CPLANE1: variants seen among roughly 807,000 people sequenced by gnomAD.
CPLANE1 encodes ciliogenesis and planar polarity effector complex subunit 1.
A neutral mutation model predicts 362.5 loss-of-function variants in CPLANE1; 263 were observed. The ratio of observed to expected loss-of-function variants is 0.73; its 90% CI spans 0.66 to 0.80. The LOEUF (loss-of-function observed/expected upper bound fraction) is 0.80. Among genes scored for constraint, CPLANE1 ranks in the 30% least tolerant of loss-of-function variants. The probability of loss-of-function intolerance (pLI) is 0.00; values close to 1 mark genes in which losing one functional copy is unlikely to be tolerated. For synonymous variants in CPLANE1, 1,212 were observed against 1,302.6 expected (o/e 0.93, Z 1.50); for missense variants, 3,461 against 3,793.4 (o/e 0.91, Z 2.30).
chr5:37,156,675 CA>C (rs1187381386), intron 41 of CPLANE1, among the ~76,000 whole-genome samples: 2 of 151,998 alleles, frequency 1.3e-5, no homozygotes, highest in Non-Finnish European at 1.5e-5. Flanking sequence ...CTAAATCTTG[CA>C]AAAAGTTACC....
rs794727154 is a variant in CPLANE1 at position 37,221,446 on chromosome 5, G to A, written c.2624C>T (p.Ser875Phe). ...GCTATAGAGGTGGCAGTATAAGAGA[G>A]AAAGATAATAGCGTATCTGAAGAAA... is the stretch of plus-strand genomic sequence containing the variant. ...TYFLQIRYYL[S>F]LLYCHLYSYN... The change falls in exon 15 of 53, where the codon TCT becomes TTT. Residue 875 changes from serine to phenylalanine, a missense_variant. Physicochemically the swap from Ser to Phe is radical, Grantham distance 155. Around this residue, in one of 2 missense-constraint regions of CPLANE1, gnomAD observed 3,380 missense variants for 3,666.1 expected, o/e 0.92. Coordinates refer to ENST00000651892, the MANE Select transcript of CPLANE1 (RefSeq NM_001384732.1). 6 of 1,516,148 alleles carry A rather than the reference G, an allele frequency of 4.0e-6. No homozygotes were observed. Among genetic ancestry groups the A allele is most frequent in the Non-Finnish European group, 5.3e-6 (6 of 1,134,776 alleles). The allele number at this position is 1,516,148 out of a possible 1,614,324, so 93.9% of individuals were successfully genotyped here. A position where few individuals can be genotyped will look rare whatever the true frequency, so the allele number is the denominator to read the frequency against.
intron 45 of CPLANE1, among the ~76,000 whole-genome samples, chr5:37,139,113 G>GA (rs1280879142): frequency 1.3e-5 from 2 of 152,072 alleles, no homozygotes; most frequent in Non-Finnish European, 2.9e-5. Context: ...ATTTATATAA[G>GA]AAAATGTAGT....
the CPLANE1 span, among the ~76,000 whole-genome samples, chr5:37,086,256 A>T: frequency 6.6e-6 from 1 of 152,232 alleles, no homozygotes; most frequent in Non-Finnish European, 1.5e-5. Flanking sequence ...AGTCTATTCA[A>T]CAGTGCATGG....
chr5:37,077,396 T>A, the CPLANE1 span, among the ~76,000 whole-genome samples: 1 of 152,200 alleles, frequency 6.6e-6, no homozygotes. Flanking sequence ...CTCCACCCTG[T>A]TACGTCTGTT....
At position 37,201,651 on chromosome 5, in the gene CPLANE1, T is replaced by A; in HGVS notation, c.3447A>T (p.Pro1149=). 6.2e-7 allele frequency: 1 copy of A among 1,614,202 alleles called. No homozygotes were observed. Among genetic ancestry groups the A allele is most frequent in the East Asian group, 2.2e-5 (1 of 44,876 alleles). Residue 1149 remains proline (P), a synonymous_variant, in exon 19 of 53, where the codon CCA becomes CCT. Coordinates refer to ENST00000651892, the MANE Select transcript of CPLANE1 (RefSeq NM_001384732.1). ...GAGGAGCTGGAAGATACAAGCCGAA[T>A]GGCACTAAGCCCCACAGTCTTTTAC... ...DFSKRLWGLV[P]FGLYLPAPPL...
At position 37,139,360 on chromosome 5, in the gene CPLANE1, G is replaced by T; in HGVS notation, c.8643C>A (p.Ser2881Arg). 1 of 1,224,650 alleles carries T rather than the reference G, an allele frequency of 8.2e-7. No homozygotes were observed. Among genetic ancestry groups the T allele is most frequent in the Admixed American group, 2.7e-5 (1 of 37,680 alleles). 75.9% of individuals were successfully genotyped at this position (1,224,650 alleles called of 1,614,324 possible). The change falls in exon 45 of 53, where the codon AGC becomes AGA. Residue 2881 changes from serine to arginine, a missense_variant. Coordinates refer to ENST00000651892, the MANE Select transcript of CPLANE1 (RefSeq NM_001384732.1). Reference protein sequence around the residue: ...DQNTTSPGMNSSDELCESVSV... With the variant: ...DQNTTSPGMNRSDELCESVSV... ...TTTACCTCTCACACAATTCATCACT[G>T]CTATTCATACCTAAAAAAAAAATCA... is the stretch of plus-strand genomic sequence containing the variant.
At chr5:37,084,441 G>A in the CPLANE1 span, among the ~76,000 whole-genome samples, 2 of 152,022 alleles carry the variant, frequency 1.3e-5, no homozygotes, top group Admixed American at 6.6e-5. Context: ...ATCTCACATC[G>A]CAATACTAAC....
the CPLANE1 span, among the ~76,000 whole-genome samples, chr5:37,078,589 T>C: frequency 2.0e-5 from 3 of 152,156 alleles, no homozygotes; most frequent in Non-Finnish European, 4.4e-5. Context: ...CTGGGTCAAA[T>C]GGTATTTCTG....
In CPLANE1 at chr5:37,206,132, A is replaced by G. The variant is rs542567704; in HGVS notation, c.3149+65T>C. 1.7e-4 allele frequency: 177 copies of G among 1,048,266 alleles called. 4 individuals are homozygous for G. In the South Asian group the frequency reaches 2.3e-3, roughly 13 times the overall value. The allele number at this position is 1,048,266 out of a possible 1,614,324, so 64.9% of individuals were successfully genotyped here. On this transcript the variant is annotated intron_variant, in intron 17 of 52. Coordinates refer to ENST00000651892, the MANE Select transcript of CPLANE1 (RefSeq NM_001384732.1). ...TCCACATAAAATGTAAATACCAGCA[A>G]TAAGAGAAATATAAAATACATAGTT...
At chr5:37,195,805 T>C in intron 21 of CPLANE1, 53 bp downstream of exon 21, 1 of 1,553,500 alleles carries the variant, frequency 6.4e-7, no homozygotes, top group Non-Finnish European at 8.7e-7. Flanking sequence ...CCAAATCAAA[T>C]GAAAAATATA....
the CPLANE1 span, among the ~76,000 whole-genome samples, chr5:37,087,602 G>A: frequency 1.3e-5 from 2 of 152,012 alleles, no homozygotes; most frequent in Non-Finnish European, 2.9e-5. Flanking sequence ...GACTACAGGC[G>A]CCCACCACCA....
chr5:37,105,940 G>A (rs1211997476), downstream of CPLANE1, among the ~76,000 whole-genome samples: 1 of 152,024 alleles, frequency 6.6e-6, no homozygotes, highest in African/African-American at 2.4e-5. Context: ...TCAGAAAAAA[G>A]GAAGTCAATA....
chr5:37,214,443 C>A (rs1441791740), intron 15 of CPLANE1, among the ~76,000 whole-genome samples: 1 of 152,126 alleles, frequency 6.6e-6, no homozygotes, highest in Non-Finnish European at 1.5e-5. Flanking sequence ...CCAGTGCACT[C>A]CAGCCTGGGC....
the CPLANE1 span, among the ~76,000 whole-genome samples, chr5:37,100,941 G>C: frequency 6.6e-6 from 1 of 152,138 alleles, no homozygotes; most frequent in Non-Finnish European, 1.5e-5. Flanking sequence ...GAATGTCAGC[G>C]ATTTTTGCAC....
chr5:37,111,099 G>A (rs1489734843), intron 51 of CPLANE1, among the ~76,000 whole-genome samples: 4 of 150,032 alleles, frequency 2.7e-5, no homozygotes, highest in Non-Finnish European at 4.4e-5. Flanking sequence ...GAGCCACCAC[G>A]CCCGGCCAAT....
rs776423792 is a variant in CPLANE1 at position 37,201,719 on chromosome 5, A to C, written c.3379T>G (p.Ser1127Ala). The change falls in exon 19 of 53, where the codon TCG becomes GCG. Residue 1127 changes from serine to alanine, a missense_variant. This residue lies in a region of CPLANE1 where 3,380 missense variants were observed against 3,666.1 expected (regional missense o/e 0.92). Coordinates refer to ENST00000651892, the MANE Select transcript of CPLANE1 (RefSeq NM_001384732.1). ...TCTATCAGAAGTTGAAATGTCTCCG[A>C]AAGAATATCTGCATCGGCCATAACT... ...ASVMADADIL[S>A]ETFQLLIDSA... is the part of the protein sequence containing the mutation. 4.3e-6 allele frequency: 7 copies of C among 1,614,044 alleles called. No individual in the cohort carries two copies. The highest frequency in any genetic ancestry group is 4.2e-6 in the Non-Finnish European group (5 of 1,180,004).
At chr5:37,104,698 G>A (rs1255045546), downstream of CPLANE1, among the ~76,000 whole-genome samples, 6 of 151,030 alleles carry the variant, frequency 4.0e-5, no homozygotes, top group Admixed American at 2.0e-4. Context: ...CTGAGGTCAG[G>A]AGTTCAAGGC....
chr5:37,145,842 T>C (rs1472325279), intron 43 of CPLANE1, among the ~76,000 whole-genome samples: 1 of 152,166 alleles, frequency 6.6e-6, no homozygotes, highest in Non-Finnish European at 1.5e-5. Context: ...ACAGTGATTA[T>C]GCTTGCTGGT....
In CPLANE1 at chr5:37,206,215, C is replaced by A; in HGVS notation, c.3131G>T (p.Arg1044Leu). ...TCCATACCTCATGAAATTGCTATCA[C>A]GTTTACAGAACAGCTGGAAAGCCAC... ...IGVAFQLFCK[R>L]DSNFMRSKKK... is the part of the protein sequence containing the mutation. Residue 1044 changes from arginine to leucine, a missense_variant, in exon 17 of 53, where the codon CGT (arginine) becomes CTT (leucine). By Grantham distance (102) the Arg-to-Leu change is moderately radical. This residue lies in a region of CPLANE1 where 3,380 missense variants were observed against 3,666.1 expected (regional missense o/e 0.92). Transcript: ENST00000651892. The A allele has an allele frequency of 6.4e-7, 1 of 1,551,462 alleles. No homozygotes were observed. The highest frequency in any genetic ancestry group is 1.2e-5 in the South Asian group (1 of 84,052).
Sources: allele counts gnomAD v4.1 joint callset (sites outside exome capture counted in the v4.1 genomes callset), GRCh38; gene constraint gnomAD v4.1.1; regional missense constraint gnomAD v4.1.1; transcripts MANE v1.5; gene names NCBI Gene and HGNC (gene_info 2026-07-23, HGNC 2026-07-21).